Variants in LCP1 observed in about 807,000 individuals in gnomAD.
The protein encoded by LCP1 is plastin-2.
A neutral mutation model predicts 72.0 loss-of-function variants in LCP1; 23 were observed. That is an observed-to-expected ratio of 0.32 (90% CI 0.23 to 0.45). The LOEUF is 0.45. Among genes scored for constraint, LCP1 ranks in the 20% least tolerant of loss-of-function variants. The pLI is 1.00. For synonymous variants in LCP1, 245 were observed against 275.4 expected (o/e 0.89, Z 1.09); for missense variants, 571 against 748.3 (o/e 0.76, Z 2.76).
At chr13:46,181,173 A>C (rs1290230790) in intron 1 of LCP1, among the ~76,000 whole-genome samples, 1 of 152,222 alleles carries the variant, frequency 6.6e-6, no homozygotes. Flanking sequence ...TGTAAAAGAA[A>C]AGTTCGGTTT....
chr13:46,151,569 C>T (rs899393031), intron 7 of LCP1, among the ~76,000 whole-genome samples: 2 of 152,118 alleles, frequency 1.3e-5, no homozygotes, highest in South Asian at 2.1e-4. Flanking sequence ...CTACGTTTTC[C>T]CAGATGAGTA....
In LCP1 at chr13:46,126,458, G is replaced by C. The variant is rs41284157; in HGVS notation, c.*1133C>G. 4.3e-6 allele frequency: 1 copy of C among 232,602 alleles called. No individual in the cohort carries two copies. Among genetic ancestry groups the C allele is most frequent in the African/African-American group, 2.2e-5 (1 of 45,300 alleles). 14.4% of individuals were successfully genotyped at this position (232,602 alleles called of 1,614,324 possible). ...AGATTCATTCTGCCCTTGACAGCTG[G>C]CTAGGTGTGTGTGTATGTGAGTAGG... On this transcript the variant is annotated 3_prime_UTR_variant, in exon 16 of 16. Transcript: ENST00000323076.
At position 46,169,059 on chromosome 13, in the gene LCP1, G is replaced by T. The variant is rs115255728; in HGVS notation, c.-24-9373C>A. On this transcript the variant is annotated intron_variant, in intron 1 of 15. Transcript: ENST00000323076. The stretch of plus-strand genomic sequence containing the variant: ...ATCTGGCCACTCCCCTGTCACAGAG[G>T]CATGAAATGACACCCAAGTTAAAGG... Among the ~76,000 whole-genome samples the T allele has an allele frequency of 5.3e-3, 811 of 152,308 alleles. 5 individuals are homozygous for T. Among genetic ancestry groups the T allele is most frequent in the African/African-American group, 0.019 (781 of 41,558 alleles).
At chr13:46,149,941 A>G (rs1295483310) in intron 8 of LCP1, among the ~76,000 whole-genome samples, 1 of 152,232 alleles carries the variant, frequency 6.6e-6, no homozygotes, top group Admixed American at 6.5e-5. Flanking sequence ...TGAAAGATGC[A>G]TAGTTAGAAA....
At chr13:46,167,048 T>C (rs1341251163) in intron 1 of LCP1, among the ~76,000 whole-genome samples, 1 of 152,186 alleles carries the variant, frequency 6.6e-6, no homozygotes, top group Non-Finnish European at 1.5e-5. Flanking sequence ...CTCCTCCAGA[T>C]TGTCCTTTTT....
At chr13:46,176,204 G>C (rs1283571835) in intron 1 of LCP1, among the ~76,000 whole-genome samples, 1 of 152,166 alleles carries the variant, frequency 6.6e-6, no homozygotes, top group African/African-American at 2.4e-5. Context: ...AGAGGCGATT[G>C]AATGTTTCCA....
intron 14 of LCP1, among the ~76,000 whole-genome samples, chr13:46,133,765 A>G (rs532631553): frequency 2.6e-5 from 4 of 152,146 alleles, no homozygotes; most frequent in Admixed American, 1.3e-4. Context: ...CAAGGGCTAG[A>G]AAACTGCCTG....
chr13:46,165,389 A>AT (rs767660455), intron 1 of LCP1, among the ~76,000 whole-genome samples: 1 of 152,122 alleles, frequency 6.6e-6, no homozygotes, highest in Non-Finnish European at 1.5e-5. Flanking sequence ...CAAAAAAAAA[A>AT]CAAAAATGCA....
chr13:46,127,352 T>G lies in LCP1; in HGVS notation c.*239A>C. 2.5e-6 allele frequency: 1 copy of G among 396,004 alleles called. No individual in the cohort carries two copies. Among genetic ancestry groups the G allele is most frequent in the Middle Eastern group, 6.6e-4 (1 of 1,522 alleles). The allele number at this position is 396,004 out of a possible 1,614,324, so 24.5% of individuals were successfully genotyped here. On this transcript the variant is annotated 3_prime_UTR_variant, in exon 16 of 16. Transcript: ENST00000323076. ...AACTTCTTTCTTTTCCTCTAGATTT[T>G]CGAAGAAGCAAATAAATCAAGAATA...
intron 1 of LCP1, among the ~76,000 whole-genome samples, chr13:46,173,389 C>A (rs2138282937): frequency 6.6e-6 from 1 of 151,870 alleles, no homozygotes; most frequent in Non-Finnish European, 1.5e-5. Context: ...AAAATATATA[C>A]AACAGTGCCT....
rs1298602189 is a variant in LCP1, at chr13:46,130,895, T to C, written c.1670A>G (p.Asp557Gly). Residue 557 changes from aspartate to glycine, a missense_variant, in exon 15 of 16, where the codon GAT becomes GGT. Physicochemically the swap from Asp to Gly is moderately conservative, Grantham distance 94. Coordinates refer to ENST00000323076, the MANE Select transcript of LCP1 (RefSeq NM_002298.5). ...STSLPVLDLI[D>G]AIQPGSINYD... ...GTTAATGGAACCTGGTTGGATGGCA[T>C]CGATGAGGTCCAGAACAGGCAGACT... The C allele has an allele frequency of 6.2e-7, 1 of 1,612,868 alleles. No individual in the cohort carries two copies. Among genetic ancestry groups the C allele is most frequent in the Admixed American group, 1.7e-5 (1 of 59,834 alleles).
At chr13:46,135,835 G>T (rs1242172017) in intron 13 of LCP1, among the ~76,000 whole-genome samples, 1 of 150,606 alleles carries the variant, frequency 6.6e-6, no homozygotes, top group East Asian at 2.0e-4. Flanking sequence ...GTATGGTCAT[G>T]GCTCACTGCG....
At chr13:46,150,510 G>A (rs540149247) in intron 8 of LCP1, among the ~76,000 whole-genome samples, 91 of 152,312 alleles carry the variant, frequency 6.0e-4, no homozygotes, top group Non-Finnish European at 1.1e-3. Context: ...TGCCTGGCAT[G>A]TTGCAGACAC....
At chr13:46,170,822 G>C (rs2045901157) in intron 1 of LCP1, among the ~76,000 whole-genome samples, 2 of 152,150 alleles carry the variant, frequency 1.3e-5, no homozygotes, top group East Asian at 3.8e-4. Context: ...TGTTGAGTAG[G>C]GGAGAGAGAC....
chr13:46,133,979 C>T (rs1593942297), intron 14 of LCP1, 148 bp downstream of exon 14: 1 of 623,162 alleles, frequency 1.6e-6, no homozygotes, highest in Non-Finnish European at 2.7e-6. Flanking sequence ...TGATGAACAT[C>T]AAAACAATAA....
At chr13:46,145,465 A>G (rs981104595) in intron 10 of LCP1, among the ~76,000 whole-genome samples, 8 of 152,164 alleles carry the variant, frequency 5.3e-5, no homozygotes, top group Admixed American at 1.3e-4. Context: ...AAACATAACA[A>G]TTGAGAAAAT....
chr13:46,157,929 G>T lies in LCP1; in HGVS notation c.358+593C>A, dbSNP rs534861370. Among the ~76,000 whole-genome samples, 7 of 152,112 alleles carry T rather than the reference G, an allele frequency of 4.6e-5. No individual in the cohort carries two copies. The East Asian group carries it at 1.4e-3, about 29-fold the overall frequency. On this transcript the variant is annotated intron_variant, in intron 4 of 15. Coordinates refer to ENST00000323076, the MANE Select transcript of LCP1 (RefSeq NM_002298.5). ...ACCCAGTAGAACGGGGTTTCACCAT[G>T]TTGCCCAGGCTAGTCTTTAACTCCT...
intron 4 of LCP1, among the ~76,000 whole-genome samples, chr13:46,157,811 A>G (rs1421914359): frequency 1.4e-5 from 2 of 144,470 alleles, no homozygotes; most frequent in Admixed American, 1.4e-4. Context: ...CAATGGTGCA[A>G]TCTCGGCTCA....
chr13:46,174,834 CAAAAAAAA>C (rs398056355), intron 1 of LCP1, among the ~76,000 whole-genome samples: 1 of 82,306 alleles, frequency 1.2e-5, no homozygotes, highest in Non-Finnish European at 2.6e-5. Flanking sequence ...ACTCCATCTT[CAAAAAAAA>C]AAAAAAAAAG....
Sources: allele counts gnomAD v4.1 joint callset (sites outside exome capture counted in the v4.1 genomes callset), GRCh38; gene constraint gnomAD v4.1.1; transcripts MANE v1.5; gene names NCBI Gene and HGNC (gene_info 2026-07-23, HGNC 2026-07-21).